The following DPYD variants were observed in gnomAD, a reference collection of about 807,000 sequenced individuals.
DPYD encodes dihydropyrimidine dehydrogenase [NADP(+)].
DPYD carries 109 observed loss-of-function variants against 116.2 expected under a neutral mutation model. The ratio of observed to expected loss-of-function variants is 0.94; its 90% confidence interval spans 0.80 to 1.10. DPYD has a LOEUF of 1.10. Ranked by LOEUF, DPYD falls within the 50% of genes least tolerant of loss-of-function variation. The pLI is 0.00. For synonymous variants in DPYD, 440 were observed against 432.0 expected, an observed-to-expected ratio of 1.02 and a Z score of -0.23; for missense variants, 1,302 against 1,254.5, an observed-to-expected ratio of 1.04 and a Z score of -0.57.
intron 20 of DPYD, among the ~76,000 whole-genome samples, chr1:97,174,483 T>C (rs948289928): frequency 1.3e-5 from 2 of 152,202 alleles, no homozygotes; most frequent in Non-Finnish European, 2.9e-5. Flanking sequence ...ACCCAGCTGC[T>C]GGCAAGTTGG....
At chr1:97,534,155 AAC>A (rs1305601408) in intron 12 of DPYD, among the ~76,000 whole-genome samples, 1 of 152,210 alleles carries the variant, frequency 6.6e-6, no homozygotes, top group Non-Finnish European at 1.5e-5. Flanking sequence ...ACAATAAGGT[AAC>A]CACTGTTCTA....
chr1:97,531,118 T>C (rs1359092124), intron 12 of DPYD, among the ~76,000 whole-genome samples: 1 of 152,224 alleles, frequency 6.6e-6, no homozygotes, highest in African/African-American at 2.4e-5. Context: ...TTTTAGTTTG[T>C]TGTAATCTCA....
intron 10 of DPYD, among the ~76,000 whole-genome samples, chr1:97,583,069 C>T (rs1373130180): frequency 6.6e-6 from 1 of 151,996 alleles, no homozygotes; most frequent in South Asian, 2.1e-4. Flanking sequence ...CCCGGGTTCA[C>T]GCCATTCTCC....
chr1:97,452,472 A>C (rs1676471100), intron 13 of DPYD, among the ~76,000 whole-genome samples: 1 of 152,134 alleles, frequency 6.6e-6, no homozygotes, highest in Non-Finnish European at 1.5e-5. Flanking sequence ...ATGAGAACCA[A>C]AGACATTTAT....
At chr1:97,504,932 T>C (rs1430304649) in intron 13 of DPYD, among the ~76,000 whole-genome samples, 5 of 151,884 alleles carry the variant, frequency 3.3e-5, no homozygotes, top group African/African-American at 9.7e-5. Context: ...TTCCCTCTTG[T>C]GTCCATTGAG....
intron 16 of DPYD, among the ~76,000 whole-genome samples, chr1:97,327,279 T>C (rs1387129063): frequency 1.3e-5 from 2 of 152,064 alleles, no homozygotes; most frequent in African/African-American, 2.4e-5. Flanking sequence ...CTGCTTCTCA[T>C]AATATTTATA....
At chr1:97,324,108 G>T (rs1462841045) in intron 16 of DPYD, among the ~76,000 whole-genome samples, 2 of 152,022 alleles carry the variant, frequency 1.3e-5, no homozygotes, top group Non-Finnish European at 2.9e-5. Flanking sequence ...GGTAGAGGCT[G>T]TATTAGCTGG....
intron 5 of DPYD, among the ~76,000 whole-genome samples, chr1:97,713,516 G>T (rs989948675): frequency 2.6e-5 from 4 of 152,004 alleles, no homozygotes; most frequent in Admixed American, 6.6e-5. Context: ...AAATCATTGT[G>T]CCAGTAAGGA....
At chr1:97,406,288 T>C (rs1024749309) in intron 14 of DPYD, among the ~76,000 whole-genome samples, 2 of 66,026 alleles carry the variant, frequency 3.0e-5, no homozygotes, top group Non-Finnish European at 4.6e-5. Flanking sequence ...TTTTTTTTTT[T>C]TAAAATTATT....
Position 97,739,786 on chromosome 1 carries a change from T to C in DPYD, c.321+606A>G, listed in dbSNP as rs1374134109. On this transcript the variant is annotated intron_variant, in intron 4 of 22. Coordinates refer to ENST00000370192, the MANE Select transcript of DPYD (RefSeq NM_000110.4). ...TATCAATTATTCAATCAATCAACCA[T>C]TCACTTAGTGAATGAAAACTGGGCT... Among the ~76,000 whole-genome samples the C allele has an allele frequency of 4.6e-5, 7 of 152,034 alleles. No individual in the cohort carries two copies. In the South Asian group the frequency reaches 1.0e-3, roughly 22 times the overall value.
At chr1:97,364,089 C>T (rs1199975682) in intron 16 of DPYD, among the ~76,000 whole-genome samples, 2 of 152,094 alleles carry the variant, frequency 1.3e-5, no homozygotes, top group Non-Finnish European at 2.9e-5. Flanking sequence ...AGAAAAGATA[C>T]TGTTATCCCT....
intron 3 of DPYD, among the ~76,000 whole-genome samples, chr1:97,809,544 T>C (rs1668246634): frequency 6.6e-6 from 1 of 152,158 alleles, no homozygotes; most frequent in Non-Finnish European, 1.5e-5. Context: ...TGACTGAGTG[T>C]AGAATACGAG....
At chr1:97,259,241 G>T (rs567356312) in intron 18 of DPYD, among the ~76,000 whole-genome samples, 1 of 152,038 alleles carries the variant, frequency 6.6e-6, no homozygotes, top group Admixed American at 6.6e-5. Context: ...TTGTGACAAT[G>T]CTGACTACTA....
chr1:97,534,606 G>T (rs1649860892), intron 12 of DPYD, among the ~76,000 whole-genome samples: 2 of 151,714 alleles, frequency 1.3e-5, no homozygotes, highest in African/African-American at 4.8e-5. Context: ...TCTCTTTGAG[G>T]ATATTTAACA....
chr1:97,116,087 C>A (rs1382552497), intron 20 of DPYD, among the ~76,000 whole-genome samples: 1 of 152,082 alleles, frequency 6.6e-6, no homozygotes, highest in African/African-American at 2.4e-5. Context: ...GAGTTCTTTT[C>A]TATTTGCAGC....
chr1:97,246,654 A>G (rs950246437), intron 18 of DPYD, among the ~76,000 whole-genome samples: 1 of 152,190 alleles, frequency 6.6e-6, no homozygotes, highest in African/African-American at 2.4e-5. Context: ...AGTGCATTAC[A>G]TAGTGTAGGG....
chr1:97,215,721 G>A (rs539097030), intron 19 of DPYD, among the ~76,000 whole-genome samples: 1 of 152,128 alleles, frequency 6.6e-6, no homozygotes, highest in Non-Finnish European at 1.5e-5. Flanking sequence ...CATTCCTCCT[G>A]CGCACAAACA....
At position 97,322,284 on chromosome 1, in the gene DPYD, A is replaced by G. The variant is rs1013549990; in HGVS notation, c.2059-15987T>C. Among the ~76,000 whole-genome samples, 6 of 151,896 alleles carry G rather than the reference A, an allele frequency of 4.0e-5. No homozygotes were observed. The East Asian group carries it at 9.7e-4, about 25-fold the overall frequency. On this transcript the variant is annotated intron_variant, in intron 16 of 22. Coordinates refer to ENST00000370192, the MANE Select transcript of DPYD (RefSeq NM_000110.4). ...TAAAAGGAATTAGGAAGGGAAAAAA[A>G]AATTTCTTCCCACTGCTGCTGTAGG...
intron 1 of DPYD, among the ~76,000 whole-genome samples, chr1:97,889,887 A>G (rs1048887256): frequency 1.3e-5 from 2 of 152,008 alleles, no homozygotes; most frequent in Non-Finnish European, 2.9e-5. Context: ...AAAATATTAA[A>G]TCATACAAAA....
Sources: gnomAD v4.1 joint callset for allele counts (sites outside exome capture counted in the v4.1 genomes callset) on GRCh38, gnomAD v4.1.1 for gene constraint, MANE v1.5 for transcripts, NCBI Gene and HGNC (gene_info 2026-07-23, HGNC 2026-07-21) for gene names.